Variants in C9orf85 observed in about 807,000 individuals in gnomAD.
C9orf85 encodes the protein chromosome 9 open reading frame 85.
C9orf85 carries 16 observed loss-of-function variants against 14.9 expected under a neutral mutation model. The observed-to-expected ratio is 1.08, with a 90% CI of 0.73 to 1.63. The LOEUF is 1.63. C9orf85 is among the 40% of genes most tolerant of loss of function. The probability of loss-of-function intolerance (pLI) is 0.00; values close to 1 mark genes in which losing one functional copy is unlikely to be tolerated. For missense variants in C9orf85, 172 were observed against 186.1 expected (o/e 0.92, Z 0.44); for synonymous variants, 45 against 56.8 (o/e 0.79, Z 0.93).
At chr9:71,961,727 T>G (rs927320720) in intron 2 of C9orf85, among the ~76,000 whole-genome samples, 19 of 152,180 alleles carry the variant, frequency 1.2e-4, no homozygotes, top group Non-Finnish European at 8.8e-5. Context: ...TCTTTAAAGG[T>G]GAAAGCAGTA....
rs779819278 is a variant in C9orf85, at chr9:71,911,780, C to A, written c.46C>A (p.His16Asn). 1 of 1,614,158 alleles carries A rather than the reference C, an allele frequency of 6.2e-7. No individual in the cohort carries two copies. Among genetic ancestry groups the A allele is most frequent in the South Asian group, 1.1e-5 (1 of 91,078 alleles). ...CGTGGCTCGTTCCAGACCTCAGAAG[C>A]ACCAGAATACGTTTAGCTTCAAAAA... Reference protein sequence around the residue: ...GNVARSRPQKHQNTFSFKNDK... With the variant: ...GNVARSRPQKNQNTFSFKNDK... The change falls in exon 1 of 4, where the codon CAC (histidine) becomes AAC (asparagine). Residue 16 changes from histidine (H) to asparagine (N), a missense_variant. Physicochemically the swap from His to Asn is moderately conservative, Grantham distance 68 (BLOSUM62 1). Coordinates refer to ENST00000334731, the MANE Select transcript of C9orf85 (RefSeq NM_182505.5).
Position 71,949,861 on chromosome 9 carries a change from C to G in C9orf85, c.209+2749C>G, listed in dbSNP as rs1315341710. Among the ~76,000 whole-genome samples, 3 of 152,124 alleles carry G rather than the reference C, an allele frequency of 2.0e-5. No individual in the cohort carries two copies. The East Asian group carries it at 5.8e-4, about 29-fold the overall frequency. Reference sequence around the variant, plus strand: ...TCTGTTTTTAGAGATAAGCATGGTCCTTTCCTCTAGGTATAGGAAGGGCAC... The same window carrying G: ...TCTGTTTTTAGAGATAAGCATGGTCGTTTCCTCTAGGTATAGGAAGGGCAC... On this transcript the variant is annotated intron_variant, in intron 2 of 3. Coordinates refer to ENST00000334731, the MANE Select transcript of C9orf85 (RefSeq NM_182505.5).
chr9:71,977,216 TAA>T (rs140317277), downstream of C9orf85, among the ~76,000 whole-genome samples: 89,507 of 150,044 alleles, frequency 0.6, 26,693 homozygotes, highest in East Asian at 0.72. Context: ...TCTTTTGTTG[TAA>T]AAAAAAAAAA....
At chr9:71,913,966 T>C (rs1827582121) in intron 1 of C9orf85, among the ~76,000 whole-genome samples, 1 of 152,224 alleles carries the variant, frequency 6.6e-6, no homozygotes, top group Non-Finnish European at 1.5e-5. Context: ...CACTTCATTA[T>C]TGAAGGTTCT....
chr9:71,963,755 C>A (rs149094477), intron 2 of C9orf85, among the ~76,000 whole-genome samples: 1 of 152,202 alleles, frequency 6.6e-6, no homozygotes, highest in Non-Finnish European at 1.5e-5. Flanking sequence ...GATTTCTCCC[C>A]GGGCCTTAGC....
At chr9:71,921,833 T>C (rs1827814555) in intron 1 of C9orf85, among the ~76,000 whole-genome samples, 1 of 152,186 alleles carries the variant, frequency 6.6e-6, no homozygotes, top group South Asian at 2.1e-4. Flanking sequence ...AGTTGCTAAC[T>C]TAAGCAGAAA....
intron 2 of C9orf85, among the ~76,000 whole-genome samples, chr9:71,949,755 G>A (rs560481244): frequency 6.6e-6 from 1 of 152,148 alleles, no homozygotes; most frequent in Non-Finnish European, 1.5e-5. Context: ...AAAACAAAGG[G>A]CTAAGCATAG....
chr9:71,976,329 T>C (rs942671562), downstream of C9orf85, among the ~76,000 whole-genome samples: 10 of 152,154 alleles, frequency 6.6e-5, no homozygotes, highest in Non-Finnish European at 1.2e-4. Context: ...ATTATAGAAG[T>C]GCCAAAGCTC....
chr9:71,960,721 A>AT lies in C9orf85; in HGVS notation c.210-10779dup, dbSNP rs552580928. On this transcript the variant is annotated intron_variant, in intron 2 of 3. Coordinates refer to ENST00000334731, the MANE Select transcript of C9orf85 (RefSeq NM_182505.5). ...GCCACCATGCCTGGCTAATTTTTGT[A>AT]TTTTTAATAGAGATGGGGTTTCATC... Among the ~76,000 whole-genome samples, 162 of 151,620 alleles carry AT rather than the reference A, an allele frequency of 1.1e-3. 3 individuals carry two copies. The highest frequency in any genetic ancestry group is 9.1e-3 in the Admixed American group (138 of 15,226).
chr9:71,947,401 T>C (rs536590084), intron 2 of C9orf85, among the ~76,000 whole-genome samples: 1 of 152,266 alleles, frequency 6.6e-6, no homozygotes, highest in South Asian at 2.1e-4. Flanking sequence ...GAGTATTTGT[T>C]TTCTACAATT....
intron 2 of C9orf85, among the ~76,000 whole-genome samples, chr9:71,968,662 G>A (rs2132354375): frequency 6.6e-6 from 1 of 152,206 alleles, no homozygotes; most frequent in African/African-American, 2.4e-5. Context: ...AATTTTCGGT[G>A]CCACCAAAGA....
chr9:71,934,738 C>G (rs1828149131), intron 1 of C9orf85, among the ~76,000 whole-genome samples: 1 of 152,006 alleles, frequency 6.6e-6, no homozygotes. Context: ...GGTGTGGTGC[C>G]TTGTGCCTGT....
chr9:71,968,531 T>G (rs1822763685), intron 2 of C9orf85, among the ~76,000 whole-genome samples: 1 of 152,202 alleles, frequency 6.6e-6, no homozygotes, highest in South Asian at 2.1e-4. Context: ...ATTCTTTCTT[T>G]GCAAAACTTT....
downstream of C9orf85, among the ~76,000 whole-genome samples, chr9:71,974,252 T>TTC (rs1474282940): frequency 6.7e-6 from 1 of 149,426 alleles, no homozygotes; most frequent in Non-Finnish European, 1.5e-5. Context: ...TATTTTACTT[T>TTC]TTTTTTTTTT....
At chr9:71,956,641 AAT>A (rs1206545264) in intron 2 of C9orf85, among the ~76,000 whole-genome samples, 3 of 152,146 alleles carry the variant, frequency 2.0e-5, no homozygotes, top group African/African-American at 7.2e-5. Flanking sequence ...GTGCCAACAT[AAT>A]GCTCAAAGGC....
chr9:71,916,306 G>C (rs1241810612), intron 1 of C9orf85, among the ~76,000 whole-genome samples: 1 of 152,038 alleles, frequency 6.6e-6, no homozygotes, highest in Non-Finnish European at 1.5e-5. Flanking sequence ...AGTCAGTATT[G>C]TTTTTAATAG....
chr9:71,917,119 C>G (rs1335619576), intron 1 of C9orf85, among the ~76,000 whole-genome samples: 1 of 152,070 alleles, frequency 6.6e-6, no homozygotes, highest in Non-Finnish European at 1.5e-5. Context: ...AATCAAAAGC[C>G]CTCCATGTGT....
chr9:71,966,595 T>G (rs918219092), intron 2 of C9orf85, among the ~76,000 whole-genome samples: 1 of 152,130 alleles, frequency 6.6e-6, no homozygotes, highest in African/African-American at 2.4e-5. Flanking sequence ...TTTTATTGTG[T>G]GCATACGTGT....
chr9:71,985,984 G>A (rs1823204922), downstream of C9orf85: 4 of 152,086 alleles, frequency 2.6e-5, no homozygotes, highest in African/African-American at 9.7e-5. Context: ...GAAATTAAAT[G>A]CCCATAAGTG....
Sources: allele counts gnomAD v4.1 joint callset (sites outside exome capture counted in the v4.1 genomes callset), GRCh38; gene constraint gnomAD v4.1.1; transcripts MANE v1.5; gene names NCBI Gene and HGNC (gene_info 2026-07-23, HGNC 2026-07-21).